SQSTM1: variants seen among roughly 807,000 people sequenced by gnomAD.
The protein encoded by SQSTM1 is sequestosome-1.
In SQSTM1, 36 loss-of-function variants were observed where a neutral mutation model predicts 45.1. That is an observed-to-expected ratio of 0.80 (90% confidence interval 0.61 to 1.05). The LOEUF (loss-of-function observed/expected upper bound fraction) is 1.05. SQSTM1 is among the 50% of genes least tolerant of loss of function. The pLI is 0.00. For synonymous variants in SQSTM1, 290 were observed against 244.3 expected, an observed-to-expected ratio of 1.19 and a Z score of -1.74; for missense variants, 617 against 607.1, an observed-to-expected ratio of 1.02 and a Z score of -0.17.
chr5:179,816,381 C>G (rs1757577735), upstream of SQSTM1, among the ~76,000 whole-genome samples: 1 of 151,864 alleles, frequency 6.6e-6, no homozygotes, highest in East Asian at 1.9e-4. Flanking sequence ...AACTCCTGAC[C>G]TCGTGATCCG....
Position 179,833,907 on chromosome 5 carries a change from G to A in SQSTM1, c.1165+125G>A, listed in dbSNP as rs1199320865. 1.1e-5 allele frequency: 12 copies of A among 1,112,890 alleles called. No homozygotes were observed. In the South Asian group the frequency reaches 1.3e-4, roughly 12 times the overall value. The allele number at this position is 1,112,890 out of a possible 1,614,324, so 68.9% of individuals were successfully genotyped here. ...CTCCACTGCAGGGCTGTCTGTAGGT[G>A]TGGGAGGTTAGGAGTTGGTTTTGTC... On this transcript the variant is annotated intron_variant, in intron 7 of 7. Coordinates refer to ENST00000389805, the MANE Select transcript of SQSTM1 (RefSeq NM_003900.5).
At chr5:179,815,817 A>G (rs1757560775), upstream of SQSTM1, among the ~76,000 whole-genome samples, 1 of 152,210 alleles carries the variant, frequency 6.6e-6, no homozygotes, top group South Asian at 2.1e-4. Context: ...AGATGACCCC[A>G]CGCCTTCTGC....
intron 5 of SQSTM1, among the ~76,000 whole-genome samples, chr5:179,828,620 C>T (rs987530316): frequency 3.3e-5 from 5 of 152,074 alleles, no homozygotes; most frequent in Non-Finnish European, 5.9e-5. Context: ...GTGATCTGCC[C>T]GCCTTGGCCT....
intron 7 of SQSTM1, 131 bp downstream of exon 7, chr5:179,833,913 G>C (rs1758369768): frequency 9.6e-7 from 1 of 1,038,376 alleles, no homozygotes; most frequent in South Asian, 1.3e-5. Flanking sequence ...AGGTGTGGGA[G>C]GTTAGGAGTT....
intron 4 of SQSTM1, 135 bp from the exon 5 acceptor site, chr5:179,825,011 G>A: frequency 2.5e-6 from 2 of 801,518 alleles, no homozygotes; most frequent in Non-Finnish European, 4.2e-6. Flanking sequence ...GGGGGATGCT[G>A]AGTGGGTCAC....
chr5:179,814,794 G>A (rs1422810247), upstream of SQSTM1, among the ~76,000 whole-genome samples: 1 of 152,148 alleles, frequency 6.6e-6, no homozygotes, highest in Non-Finnish European at 1.5e-5. Context: ...GGTGGCTCAC[G>A]CCTCTAATCC....
At chr5:179,821,532 T>G (rs1402230125) in intron 1 of SQSTM1, 5 of 485,184 alleles carry the variant, frequency 1.0e-5, no homozygotes, top group Non-Finnish European at 2.0e-5. Context: ...CGGGTTACAC[T>G]GACACCTTGC....
Position 179,836,557 on chromosome 5 carries a change from C to A in SQSTM1, c.1287C>A (p.Asp429Glu). The A allele has an allele frequency of 6.2e-7, 1 of 1,614,188 alleles. No homozygotes were observed. Among genetic ancestry groups the A allele is most frequent in the Non-Finnish European group, 8.5e-7 (1 of 1,180,030 alleles). ...TKNYDIGAAL[D>E]TIQYSKHPPP... ...ACTATGACATCGGAGCGGCTCTGGA[C>A]ACCATCCAGTATTCAAAGCATCCCC... The change falls in exon 8 of 8, where the codon GAC (aspartate) becomes GAA (glutamate). Residue 429 changes from aspartate (D) to glutamate (E), a missense_variant. Transcript: ENST00000389805.
chr5:179,832,977 G>C (rs1208163331), intron 5 of SQSTM1, 55 bp from the exon 6 acceptor site: 1 of 1,580,954 alleles, frequency 6.3e-7, no homozygotes, highest in African/African-American at 1.3e-5. Context: ...GCTCCTGCTT[G>C]CAGGTGCATC....
intron 2 of SQSTM1, 112 bp downstream of exon 2, chr5:179,823,165 G>T: frequency 9.9e-7 from 1 of 1,014,538 alleles, no homozygotes; most frequent in East Asian, 2.6e-5. Context: ...GCAATTTGAG[G>T]GCTGTTTAAG....
rs1382487941 is a variant in SQSTM1 at position 179,837,649 on chromosome 5, A to G, written c.*1056A>G. ...GGGTCCCTTGCTTAGCCTGTGCTGG[A>G]CCAGCTGGCCTGGGGTCCCTCTGAA... is the stretch of plus-strand genomic sequence containing the variant. On this transcript the variant is annotated 3_prime_UTR_variant, in exon 8 of 8. Coordinates refer to ENST00000389805, the MANE Select transcript of SQSTM1 (RefSeq NM_003900.5). 1.9e-6 allele frequency: 3 copies of G among 1,614,154 alleles called. No individual in the cohort carries two copies. Among genetic ancestry groups the G allele is most frequent in the African/African-American group, 1.3e-5 (1 of 75,046 alleles).
At chr5:179,822,686 G>C (rs1253014406) in intron 1 of SQSTM1, 4 of 467,942 alleles carry the variant, frequency 8.5e-6, no homozygotes, top group African/African-American at 2.0e-5. Context: ...GGCTAAATAA[G>C]TGCAGCAGCC....
chr5:179,837,423 TA>T lies in SQSTM1; in HGVS notation c.*833del, dbSNP rs1561611504. On this transcript the variant is annotated 3_prime_UTR_variant, in exon 8 of 8. Coordinates refer to ENST00000389805, the MANE Select transcript of SQSTM1 (RefSeq NM_003900.5). Reference sequence around the variant, plus strand: ...TCATCATCGAAGTCTTCCCCAGTTATAAAGAGGTCACATAGTCGTGTGGGTC... The same window carrying T: ...TCATCATCGAAGTCTTCCCCAGTTATAAGAGGTCACATAGTCGTGTGGGTC... 6.2e-7 allele frequency: 1 copy of T among 1,603,816 alleles called. No homozygotes were observed. The highest frequency in any genetic ancestry group is 1.7e-5 in the Admixed American group (1 of 58,722).
intron 5 of SQSTM1, among the ~76,000 whole-genome samples, chr5:179,830,132 C>T (rs74753027): frequency 2.4e-5 from 1 of 41,612 alleles, no homozygotes; most frequent in Non-Finnish European, 3.9e-5. Context: ...CAAAACAAAA[C>T]AAAAAACAAA....
In SQSTM1 at chr5:179,837,310, C is replaced by T. The variant is rs1464407967; in HGVS notation, c.*717C>T. The T allele has an allele frequency of 2.5e-6, 4 of 1,598,764 alleles. No individual in the cohort carries two copies. The highest frequency in any genetic ancestry group is 2.2e-5 in the East Asian group (1 of 44,750). On this transcript the variant is annotated 3_prime_UTR_variant, in exon 8 of 8. Coordinates refer to ENST00000389805, the MANE Select transcript of SQSTM1 (RefSeq NM_003900.5). ...GTAAGTTTATTGTTAATGGTTCTTA[C>T]AGAGTATCTTTAAAAGTGCCTTAGG...
rs150470670 is a variant in SQSTM1 at position 179,833,655 on chromosome 5, G to A, written c.1038G>A (p.Val346=). Residue 346 remains valine (V), a synonymous_variant, in exon 7 of 8, where the codon GTG becomes GTA. Transcript: ENST00000389805. The part of the protein sequence containing the change: ...DDWTHLSSKE[V]DPSTGELQSL... Reference sequence around the variant, plus strand: ...GGACCCATCTGTCTTCAAAAGAAGTGGACCCGTCTACAGGTGAACTCCAGT... The same window carrying A: ...GGACCCATCTGTCTTCAAAAGAAGTAGACCCGTCTACAGGTGAACTCCAGT... 339 of 1,614,132 alleles carry A rather than the reference G, an allele frequency of 2.1e-4. 1 individual carries two copies. The highest frequency in any genetic ancestry group is 2.7e-4 in the Non-Finnish European group (316 of 1,180,024).
Position 179,831,778 on chromosome 5 carries a change from A to G in SQSTM1, c.755-1254A>G, listed in dbSNP as rs952076145. Among the ~76,000 whole-genome samples the G allele has an allele frequency of 2.1e-5, 3 of 141,778 alleles. No homozygotes were observed. In the Admixed American group the frequency reaches 2.3e-4, roughly 11 times the overall value. 93.0% of individuals were successfully genotyped at this position (141,778 alleles called of 152,430 possible). ...CATTTAGATAGAGGTCCTAGCTGAA[A>G]CATTGAATGTTCTTTTTTTTTTTTG... On this transcript the variant is annotated intron_variant, in intron 5 of 7. Coordinates refer to ENST00000389805, the MANE Select transcript of SQSTM1 (RefSeq NM_003900.5).
rs867764162 is a variant in SQSTM1 at position 179,831,078 on chromosome 5, A to C, written c.755-1954A>C. ...AAGTTACTTTCTGGTATACAGTCTTAATTATTTTAACCTTGGTTTGAACCA... is the reference window on the plus strand; with the variant it reads ...AAGTTACTTTCTGGTATACAGTCTTCATTATTTTAACCTTGGTTTGAACCA... On this transcript the variant is annotated intron_variant, in intron 5 of 7. Transcript: ENST00000389805. Among the ~76,000 whole-genome samples the C allele has an allele frequency of 3.9e-5, 6 of 152,208 alleles. No homozygotes were observed. In the South Asian group the frequency reaches 6.2e-4, roughly 16 times the overall value.
At chr5:179,819,907 C>T (rs962359819), upstream of SQSTM1, among the ~76,000 whole-genome samples, 12 of 152,218 alleles carry the variant, frequency 7.9e-5, no homozygotes, top group Admixed American at 6.5e-4. Flanking sequence ...GGGTTTCCTC[C>T]CCTGGGAGGT....
Sources: gnomAD v4.1 joint callset for allele counts (sites outside exome capture counted in the v4.1 genomes callset) on GRCh38, gnomAD v4.1.1 for gene constraint, MANE v1.5 for transcripts, NCBI Gene and HGNC (gene_info 2026-07-23, HGNC 2026-07-21) for gene names.